Variants in KCNC4 observed in about 807,000 individuals in gnomAD.
KCNC4 encodes the protein potassium voltage-gated channel subfamily C member 4, also known as voltage-gated potassium channel KCNC4.
KCNC4 carries 23 observed loss-of-function variants against 42.8 expected under a neutral mutation model. The observed-to-expected ratio is 0.54, with a 90% CI of 0.39 to 0.76. The LOEUF (loss-of-function observed/expected upper bound fraction) is 0.76. KCNC4 is among the 30% of genes least tolerant of loss of function. The pLI is 0.00. For missense variants in KCNC4, 751 were observed against 898.2 expected (o/e 0.84, Z 2.10); for synonymous variants, 422 against 393.5 (o/e 1.07, Z -0.86).
chr1:110,220,539 A>G (rs1421277369), intron 1 of KCNC4: 1 of 149,902 alleles, frequency 6.7e-6, no homozygotes, highest in Non-Finnish European at 1.5e-5. Flanking sequence ...CAAGTCACTA[A>G]TTAACTTCAC....
chr1:110,274,911 T>C (rs975936975), intron 1 of KCNC4, among the ~76,000 whole-genome samples: 1 of 152,190 alleles, frequency 6.6e-6, no homozygotes, highest in African/African-American at 2.4e-5. Flanking sequence ...ACAAAAATAC[T>C]AGAAGAAAAC....
At chr1:110,246,076 C>T (rs1447502950) in exon 4 of KCNC4, 2 of 152,206 alleles carry the variant, frequency 1.3e-5, no homozygotes, top group African/African-American at 2.4e-5. Flanking sequence ...AGTCCAAGCC[C>T]GTTTCTTGCC....
At chr1:110,232,809 T>G (rs1177682506) in intron 3 of KCNC4, 102 bp from the exon 4 acceptor site, 2 of 1,547,850 alleles carry the variant, frequency 1.3e-6, no homozygotes, top group Non-Finnish European at 1.7e-6. Context: ...TCTTTGTTTC[T>G]CCCTTTCTTT....
At chr1:110,282,058 A>G (rs1659837843) in intron 1 of KCNC4, among the ~76,000 whole-genome samples, 1 of 152,200 alleles carries the variant, frequency 6.6e-6, no homozygotes, top group South Asian at 2.1e-4. Flanking sequence ...AGTCCAGGAG[A>G]CAGGGCAGAG....
At chr1:110,283,180 G>A (rs1034584340), downstream of KCNC4, 6 of 152,154 alleles carry the variant, frequency 3.9e-5, no homozygotes, top group African/African-American at 1.4e-4. Flanking sequence ...GTGAGAACTA[G>A]TTCAGTCTCA....
intron 1 of KCNC4, among the ~76,000 whole-genome samples, chr1:110,263,468 G>T (rs1243254781): frequency 6.6e-6 from 1 of 151,970 alleles, no homozygotes; most frequent in Non-Finnish European, 1.5e-5. Flanking sequence ...GAGATAGAAT[G>T]ACCGATATTC....
At chr1:110,253,707 C>T (rs2101068786), downstream of KCNC4, among the ~76,000 whole-genome samples, 1 of 152,340 alleles carries the variant, frequency 6.6e-6, no homozygotes, top group South Asian at 2.1e-4. Flanking sequence ...AGCTTATTTT[C>T]TCCACTGTTC....
intron 3 of KCNC4, among the ~76,000 whole-genome samples, chr1:110,231,589 A>T (rs1228922242): frequency 6.6e-6 from 1 of 152,088 alleles, no homozygotes; most frequent in Admixed American, 6.5e-5. Context: ...TTAGGGCCTA[A>T]TTGCCTACTG....
exon 4 of KCNC4, chr1:110,245,814 G>A (rs948485321): frequency 1.3e-5 from 2 of 152,234 alleles, no homozygotes; most frequent in African/African-American, 4.8e-5. Context: ...AGTTGAACAA[G>A]TCAGTTTCCT....
Position 110,223,607 on chromosome 1 carries a change from A to G in KCNC4, c.1322A>G (p.Asp441Gly). The G allele has an allele frequency of 6.2e-7, 1 of 1,614,080 alleles. No individual in the cohort carries two copies. Among genetic ancestry groups the G allele is most frequent in the Non-Finnish European group, 8.5e-7 (1 of 1,180,036 alleles). Reference sequence around the variant, plus strand: ...ACCATGACGACACTGGGCTACGGAGACATGTACCCCAAGACGTGGTCAGGC... The same window carrying G: ...ACCATGACGACACTGGGCTACGGAGGCATGTACCCCAAGACGTGGTCAGGC... Reference protein sequence around the residue: ...VVTMTTLGYGDMYPKTWSGML... With the variant: ...VVTMTTLGYGGMYPKTWSGML... The change falls in exon 2 of 4, where the codon GAC (aspartate) becomes GGC (glycine). Residue 441 changes from aspartate to glycine, a missense_variant. Physicochemically the swap from Asp to Gly is moderately conservative, Grantham distance 94. Transcript: ENST00000438661. The surrounding 1 kb of genome is among the most constrained non-coding windows in gnomAD (Gnocchi z 7.5).
chr1:110,246,778 T>C (rs1204502329), exon 4 of KCNC4: 1 of 151,518 alleles, frequency 6.6e-6, no homozygotes. Flanking sequence ...TTTTTTTTTT[T>C]TGGTACACAT....
chr1:110,248,404 C>CA (rs1162615941), exon 4 of KCNC4: 1 of 151,498 alleles, frequency 6.6e-6, no homozygotes, highest in African/African-American at 2.4e-5. Context: ...ATTAAGGGCT[C>CA]AAAGTGTGAA....
intron 1 of KCNC4, among the ~76,000 whole-genome samples, chr1:110,213,036 A>C (rs571229564): frequency 3.3e-5 from 5 of 151,994 alleles, no homozygotes; most frequent in South Asian, 2.1e-4. Context: ...AAATGGGTGT[A>C]TGAGGGAAGG....
intron 3 of KCNC4, chr1:110,228,487 C>T (rs1571050326): frequency 6.5e-6 from 1 of 152,720 alleles, no homozygotes; most frequent in African/African-American, 2.4e-5. Context: ...GAGCGTGGAC[C>T]CTGTGGAGCT....
In KCNC4 at chr1:110,223,021, G is replaced by A; in HGVS notation, c.736G>A (p.Glu246Lys). 1 of 1,614,110 alleles carries A rather than the reference G, an allele frequency of 6.2e-7. No individual in the cohort carries two copies. The change falls in exon 2 of 4, where the codon GAG becomes AAG. Residue 246 changes from glutamate to lysine, a missense_variant. Glu to Lys is a moderately conservative substitution (Grantham distance 56). Around this residue, in one of 4 missense-constraint regions of KCNC4, gnomAD observed 181 missense variants for 167.3 expected, o/e 1.08. Transcript: ENST00000438661. The surrounding 1 kb of genome is among the most constrained non-coding windows in gnomAD (Gnocchi z 7.5). ...ILVSITTFCL[E>K]THEAFNIDRN... ...GGTCTCCATCACCACTTTCTGCCTG[G>A]AGACCCATGAGGCCTTTAATATCGA...
At chr1:110,246,124 T>A (rs1238942758) in exon 4 of KCNC4, 2 of 152,194 alleles carry the variant, frequency 1.3e-5, no homozygotes, top group Non-Finnish European at 2.9e-5. Flanking sequence ...CAAACTGGGA[T>A]TTCTCTGACC....
intron 1 of KCNC4, among the ~76,000 whole-genome samples, chr1:110,218,379 A>G (rs1410529815): frequency 1.3e-5 from 2 of 152,062 alleles, no homozygotes; most frequent in African/African-American, 4.8e-5. Flanking sequence ...GGTTCTTCGT[A>G]TGACTCACTC....
chr1:110,252,286 T>A (rs1659261903), downstream of KCNC4, among the ~76,000 whole-genome samples: 1 of 152,334 alleles, frequency 6.6e-6, no homozygotes, highest in East Asian at 1.9e-4. Flanking sequence ...TCTTTTTCTT[T>A]CCAACCAAGA....
chr1:110,279,920 TC>T (rs1195080043), intron 1 of KCNC4, among the ~76,000 whole-genome samples: 1 of 147,704 alleles, frequency 6.8e-6, no homozygotes, highest in Admixed American at 6.8e-5. Context: ...TGCCTCAGCC[TC>T]CCCGAGTAGG....
Sources: allele counts gnomAD v4.1 joint callset (sites outside exome capture counted in the v4.1 genomes callset), GRCh38; gene constraint gnomAD v4.1.1; regional missense constraint gnomAD v4.1.1; non-coding constraint Gnocchi (gnomAD v3.1); transcripts MANE v1.5; gene names NCBI Gene and HGNC (gene_info 2026-07-23, HGNC 2026-07-21).